The following KDM4C variants were observed in gnomAD, a reference collection of about 807,000 sequenced individuals.
KDM4C encodes lysine-specific demethylase 4C.
Under a neutral mutation model 129.3 loss-of-function variants are expected in KDM4C, and 81 were observed. The ratio of observed to expected loss-of-function variants is 0.63; its 90% CI spans 0.52 to 0.75. The LOEUF is 0.75. Among genes scored for constraint, KDM4C ranks in the 30% least tolerant of loss-of-function variants. The probability of loss-of-function intolerance (pLI) is 0.00; values close to 1 mark genes in which losing one functional copy is unlikely to be tolerated. For synonymous variants in KDM4C, 573 were observed against 456.1 expected (o/e 1.26, Z -3.26); for missense variants, 1,457 against 1,304.0 (o/e 1.12, Z -1.81).
intron 1 of KDM4C, among the ~76,000 whole-genome samples, chr9:6,783,502 G>A (rs536204542): frequency 6.6e-6 from 1 of 152,318 alleles, no homozygotes; most frequent in South Asian, 2.1e-4. Context: ...GTATTGGGAA[G>A]GACAGTTGAG....
chr9:6,963,170 T>C (rs940389460), intron 8 of KDM4C, among the ~76,000 whole-genome samples: 1 of 152,224 alleles, frequency 6.6e-6, no homozygotes, highest in Admixed American at 6.5e-5. Context: ...CTTAGAATGG[T>C]GCTCAGTACT....
At chr9:6,998,981 A>G (rs1332304798) in intron 12 of KDM4C, among the ~76,000 whole-genome samples, 1 of 151,918 alleles carries the variant, frequency 6.6e-6, no homozygotes, top group Non-Finnish European at 1.5e-5. Flanking sequence ...TTTTCTGAGT[A>G]CTTCACCCCG....
intron 1 of KDM4C, among the ~76,000 whole-genome samples, chr9:6,778,482 C>G (rs914871134): frequency 6.6e-6 from 1 of 151,834 alleles, no homozygotes; most frequent in African/African-American, 2.4e-5. Flanking sequence ...CAGATTTTTC[C>G]AAGGCCCGGT....
intron 8 of KDM4C, chr9:6,925,320 G>A (rs1210954145): frequency 1.0e-6 from 1 of 985,228 alleles, no homozygotes; most frequent in Non-Finnish European, 1.2e-6. Context: ...GGAGACACAA[G>A]CTTTCATCAG....
intron 1 of KDM4C, among the ~76,000 whole-genome samples, chr9:6,770,934 C>T (rs1188990118): frequency 6.6e-6 from 1 of 151,706 alleles, no homozygotes; most frequent in Non-Finnish European, 1.5e-5. Context: ...TGCCACCACT[C>T]CCAGCTAATT....
chr9:6,757,885 G>C (rs1818526266), upstream of KDM4C: 3 of 985,404 alleles, frequency 3.0e-6, no homozygotes, highest in Admixed American at 6.1e-5. Flanking sequence ...GAGCGTGCCG[G>C]GCACCTTTAA....
intron 8 of KDM4C, among the ~76,000 whole-genome samples, chr9:6,934,587 C>G (rs1194830664): frequency 6.6e-6 from 1 of 151,720 alleles, no homozygotes; most frequent in Non-Finnish European, 1.5e-5. Flanking sequence ...CCTCAGCCTC[C>G]TGAGTAGCTA....
At chr9:7,174,494 C>G in intron 21 of KDM4C, 59 bp from the exon 22 acceptor site, 1 of 1,518,076 alleles carries the variant, frequency 6.6e-7, no homozygotes, top group Non-Finnish European at 9.1e-7. Context: ...AGATCTTTGT[C>G]CAGTGTTCTG....
At chr9:7,151,012 G>T (rs12683673) in intron 19 of KDM4C, among the ~76,000 whole-genome samples, 6 of 152,088 alleles carry the variant, frequency 3.9e-5, no homozygotes, top group African/African-American at 1.2e-4. Context: ...GGGAAAGTAC[G>T]TACTAACAAA....
intron 8 of KDM4C, among the ~76,000 whole-genome samples, chr9:6,953,018 A>G (rs1206291976): frequency 1.3e-5 from 2 of 152,238 alleles, no homozygotes; most frequent in African/African-American, 2.4e-5. Context: ...AGGCAGCAGA[A>G]TGAATATGAT....
At chr9:6,861,087 G>A (rs960441472) in intron 5 of KDM4C, among the ~76,000 whole-genome samples, 1 of 152,172 alleles carries the variant, frequency 6.6e-6, no homozygotes, top group African/African-American at 2.4e-5. Context: ...CCCTGCACTG[G>A]ACTTGAAACT....
Position 6,792,299 on chromosome 9 carries a change from C to T in KDM4C, c.-17-673C>T, listed in dbSNP as rs554912804. Among the ~76,000 whole-genome samples, 75 of 152,076 alleles carry T rather than the reference C, an allele frequency of 4.9e-4. 1 individual carries two copies. The highest frequency in any genetic ancestry group is 7.1e-4 in the Non-Finnish European group (48 of 67,974). On this transcript the variant is annotated intron_variant, in intron 1 of 21. Transcript: ENST00000381309. ...TGGAGGTTGCAGTGAGCCGAGATTGCGCCGCTGCACTCCTGCCTAGGCAAT... is the reference window on the plus strand; with the variant it reads ...TGGAGGTTGCAGTGAGCCGAGATTGTGCCGCTGCACTCCTGCCTAGGCAAT...
intron 15 of KDM4C, among the ~76,000 whole-genome samples, chr9:7,031,270 C>G (rs528446439): frequency 6.6e-6 from 1 of 151,934 alleles, no homozygotes; most frequent in Non-Finnish European, 1.5e-5. Context: ...TCAAGTGGTT[C>G]TCTTGCCTCA....
intron 1 of KDM4C, chr9:6,726,934 C>T (rs1817151138): frequency 1.3e-5 from 2 of 152,074 alleles, no homozygotes; most frequent in African/African-American, 4.8e-5. Context: ...AGGATTTCGC[C>T]ATGTTGGCCA....
At chr9:6,757,040 T>C (rs182435555), upstream of KDM4C, among the ~76,000 whole-genome samples, 2 of 150,584 alleles carry the variant, frequency 1.3e-5, no homozygotes, top group African/African-American at 4.9e-5. Context: ...GTAGGAAGTT[T>C]AAAAAAAAAA....
chr9:6,979,971 C>G (rs1816483300), intron 8 of KDM4C, among the ~76,000 whole-genome samples: 1 of 152,102 alleles, frequency 6.6e-6, no homozygotes, highest in Admixed American at 6.5e-5. Flanking sequence ...GATGAGAACT[C>G]TGTGGTGGGA....
intron 8 of KDM4C, among the ~76,000 whole-genome samples, chr9:6,913,556 C>T (rs1366917975): frequency 1.3e-5 from 2 of 152,220 alleles, no homozygotes; most frequent in East Asian, 1.9e-4. Context: ...GTTACCTATA[C>T]CTCTTCTCTG....
intron 2 of KDM4C, among the ~76,000 whole-genome samples, chr9:6,800,051 C>T (rs1828637428): frequency 6.6e-6 from 1 of 150,452 alleles, no homozygotes; most frequent in Non-Finnish European, 1.5e-5. Context: ...AGCGAGACCA[C>T]ATCTTTTCCA....
intron 1 of KDM4C, among the ~76,000 whole-genome samples, chr9:6,779,326 T>A (rs575151673): frequency 7.0e-6 from 1 of 143,752 alleles, no homozygotes; most frequent in South Asian, 2.3e-4. Flanking sequence ...GATTAAAGTC[T>A]TTTAATATGA....
Sources: gnomAD v4.1 joint callset for allele counts (sites outside exome capture counted in the v4.1 genomes callset) on GRCh38, gnomAD v4.1.1 for gene constraint, MANE v1.5 for transcripts, NCBI Gene and HGNC (gene_info 2026-07-23, HGNC 2026-07-21) for gene names.